The following FNBP1 variants were observed in gnomAD, a reference collection of about 807,000 sequenced individuals.
FNBP1 encodes the protein formin-binding protein 1.
Under a neutral mutation model 90.6 loss-of-function variants are expected in FNBP1, and 26 were observed. The observed-to-expected ratio is 0.29, with a 90% CI of 0.21 to 0.40. The LOEUF is 0.40. Ranked by LOEUF, FNBP1 falls within the 10% of genes least tolerant of loss-of-function variation. The pLI is 1.00. For synonymous variants in FNBP1, 260 were observed against 265.2 expected (o/e 0.98, Z 0.19); for missense variants, 635 against 768.0 (o/e 0.83, Z 2.05).
the FNBP1 span, among the ~76,000 whole-genome samples, chr9:130,050,138 T>C: frequency 6.6e-6 from 1 of 152,204 alleles, no homozygotes; most frequent in African/African-American, 2.4e-5. Context: ...GTTTTTAGCT[T>C]AAAATTTCCA....
At chr9:129,917,313 C>A (rs576144493) in intron 10 of FNBP1, among the ~76,000 whole-genome samples, 19 of 152,164 alleles carry the variant, frequency 1.2e-4, no homozygotes, top group African/African-American at 4.6e-4. Context: ...GCTGTGACTG[C>A]TCTTTTTAAA....
Position 129,944,658 on chromosome 9 carries a change from T to C in FNBP1, c.513+12702A>G, listed in dbSNP as rs143763771. ...GGCAATAACAGTGTCAGCCAATCAA[T>C]TGCAGTTCAAAAATAGGCCACTACA... On this transcript the variant is annotated intron_variant, in intron 6 of 16. Transcript: ENST00000446176. Among the ~76,000 whole-genome samples, 12 of 151,974 alleles carry C rather than the reference T, an allele frequency of 7.9e-5. No individual in the cohort carries two copies. In the East Asian group the frequency reaches 1.4e-3, roughly 17 times the overall value.
rs567109852 is a variant in FNBP1 at position 129,889,767 on chromosome 9, C to T, written c.*772G>A. On this transcript the variant is annotated 3_prime_UTR_variant, in exon 17 of 17. Coordinates refer to ENST00000446176, the MANE Select transcript of FNBP1 (RefSeq NM_015033.3). ...AGGACAGGCGTGGGCTCCTCATGGC[C>T]GGTGGACACAGGCGAGTCAACAAGG... is the stretch of plus-strand genomic sequence containing the variant. The T allele has an allele frequency of 5.2e-5, 12 of 232,164 alleles. No individual in the cohort carries two copies. The highest frequency in any genetic ancestry group is 1.8e-4 in the South Asian group (1 of 5,596). The allele number at this position is 232,164 out of a possible 1,614,324, so 14.4% of individuals were successfully genotyped here.
intron 6 of FNBP1, among the ~76,000 whole-genome samples, chr9:129,938,429 A>G (rs2043823024): frequency 6.6e-6 from 1 of 152,168 alleles, no homozygotes; most frequent in Non-Finnish European, 1.5e-5. Context: ...TGCCAAAACA[A>G]TGAGTCTGTC....
Position 129,887,268 on chromosome 9 carries a change from G to A in FNBP1, c.*3271C>T, listed in dbSNP as rs2034811213. The A allele has an allele frequency of 5.3e-6, 1 of 189,596 alleles. No homozygotes were observed. The highest frequency in any genetic ancestry group is 2.3e-5 in the African/African-American group (1 of 42,810). The allele number at this position is 189,596 out of a possible 1,614,324, so 11.7% of individuals were successfully genotyped here. A position where few individuals can be genotyped will look rare whatever the true frequency, so the allele number is the denominator to read the frequency against. ...AGCCTCCAGTGGAAGCTCTTTATTTGGTTTAATTCCATCTCCAGAGACAAA... is the reference window on the plus strand; with the variant it reads ...AGCCTCCAGTGGAAGCTCTTTATTTAGTTTAATTCCATCTCCAGAGACAAA... On this transcript the variant is annotated 3_prime_UTR_variant, in exon 17 of 17. Transcript: ENST00000446176.
chr9:129,919,375 C>T, intron 10 of FNBP1: 1 of 365,414 alleles, frequency 2.7e-6, no homozygotes. Context: ...ATACAATGAA[C>T]TCTAAAATAT....
chr9:130,017,084 A>C (rs1030181895), intron 1 of FNBP1, among the ~76,000 whole-genome samples: 1 of 145,192 alleles, frequency 6.9e-6, no homozygotes, highest in Admixed American at 6.7e-5. Flanking sequence ...CATCTCTTTT[A>C]AAAAAAAGGT....
At chr9:129,898,077 G>C (rs1370397699) in intron 15 of FNBP1, among the ~76,000 whole-genome samples, 1 of 152,108 alleles carries the variant, frequency 6.6e-6, no homozygotes, top group East Asian at 1.9e-4. Context: ...TGATCTGCCT[G>C]CCTCAGCCTC....
At chr9:129,925,409 G>A (rs1375632077) in intron 8 of FNBP1, among the ~76,000 whole-genome samples, 1 of 151,610 alleles carries the variant, frequency 6.6e-6, no homozygotes, top group Non-Finnish European at 1.5e-5. Context: ...AGGAGGCTGA[G>A]GCAGGAGAAT....
chr9:130,049,449 T>G, the FNBP1 span, among the ~76,000 whole-genome samples: 21 of 152,120 alleles, frequency 1.4e-4, no homozygotes, highest in Middle Eastern at 3.4e-3. Context: ...AAAGGTGGCT[T>G]ATGCCTATAA....
At chr9:129,986,904 C>T (rs903320121) in intron 2 of FNBP1, among the ~76,000 whole-genome samples, 1 of 151,978 alleles carries the variant, frequency 6.6e-6, no homozygotes, top group Non-Finnish European at 1.5e-5. Context: ...AACATTCAGA[C>T]ATAATCAAAG....
At position 129,960,066 on chromosome 9, in the gene FNBP1, A is replaced by T. The variant is rs866319302; in HGVS notation, c.346-1513T>A. Among the ~76,000 whole-genome samples the T allele has an allele frequency of 2.6e-4, 39 of 152,152 alleles. No homozygotes were observed. In the Middle Eastern group the frequency reaches 0.014, roughly 53 times the overall value. ...TATCCCACATTTTGTTTATCCATTC[A>T]ACAGTTGATAGACATCAGAGTTGTT... On this transcript the variant is annotated intron_variant, in intron 4 of 16. Coordinates refer to ENST00000446176, the MANE Select transcript of FNBP1 (RefSeq NM_015033.3).
At chr9:129,942,029 CCACTG>C (rs2044401499) in intron 6 of FNBP1, among the ~76,000 whole-genome samples, 1 of 151,522 alleles carries the variant, frequency 6.6e-6, no homozygotes, top group African/African-American at 2.4e-5. Context: ...TAAGATCGCA[CCACTG>C]CACTCCAGCC....
intron 7 of FNBP1, among the ~76,000 whole-genome samples, chr9:129,927,583 T>C (rs947301198): frequency 1.2e-4 from 18 of 152,166 alleles, no homozygotes; most frequent in African/African-American, 4.3e-4. Context: ...TTAGTAAGAA[T>C]GCCAAACTCA....
intron 1 of FNBP1, among the ~76,000 whole-genome samples, chr9:130,002,519 T>C (rs2131474379): frequency 6.6e-6 from 1 of 152,230 alleles, no homozygotes; most frequent in East Asian, 1.9e-4. Flanking sequence ...ACCTCCCCCC[T>C]CTCTATTGTG....
intron 1 of FNBP1, among the ~76,000 whole-genome samples, chr9:130,001,425 C>T (rs2054835103): frequency 6.6e-6 from 1 of 152,130 alleles, no homozygotes; most frequent in Non-Finnish European, 1.5e-5. Context: ...CAGCTTTACC[C>T]ACCATTTCCT....
chr9:129,936,967 C>T (rs931106901), intron 6 of FNBP1, among the ~76,000 whole-genome samples: 7 of 151,988 alleles, frequency 4.6e-5, no homozygotes, highest in Admixed American at 3.3e-4. Flanking sequence ...GTCAAGAGTT[C>T]GAGACCAGCC....
chr9:129,896,158 A>C (rs2035707119), intron 15 of FNBP1, among the ~76,000 whole-genome samples, 162 bp from the exon 16 acceptor site: 1 of 152,120 alleles, frequency 6.6e-6, no homozygotes, highest in African/African-American at 2.4e-5. Flanking sequence ...CCACTGCCTC[A>C]AAACCATCTC....
chr9:129,982,544 G>A (rs957817035), intron 2 of FNBP1, among the ~76,000 whole-genome samples: 1 of 152,152 alleles, frequency 6.6e-6, no homozygotes, highest in Non-Finnish European at 1.5e-5. Context: ...TAATCAATGG[G>A]TTATTTTCCA....
Sources: allele counts gnomAD v4.1 joint callset (sites outside exome capture counted in the v4.1 genomes callset), GRCh38; gene constraint gnomAD v4.1.1; transcripts MANE v1.5; gene names NCBI Gene and HGNC (gene_info 2026-07-23, HGNC 2026-07-21).